Variants in DNTT observed in about 807,000 individuals in gnomAD.
DNTT encodes DNA nucleotidylexotransferase.
DNTT carries 47 observed loss-of-function variants against 60.9 expected under a neutral mutation model. The ratio of observed to expected loss-of-function variants is 0.77; its 90% CI spans 0.61 to 0.98. DNTT has a LOEUF of 0.98. Among genes scored for constraint, DNTT ranks in the 50% least tolerant of loss-of-function variants. The pLI, the probability that DNTT is intolerant of heterozygous loss-of-function variation, is 0.00. For synonymous variants in DNTT, 224 were observed against 221.2 expected, an observed-to-expected ratio of 1.01 and a Z score of -0.11; for missense variants, 665 against 627.5, an observed-to-expected ratio of 1.06 and a Z score of -0.64.
intron 9 of DNTT, among the ~76,000 whole-genome samples, chr10:96,334,146 A>C (rs1430635734): frequency 6.6e-6 from 1 of 152,224 alleles, no homozygotes; most frequent in Non-Finnish European, 1.5e-5. Context: ...AATTTTTCTG[A>C]AAGAGCACAA....
chr10:96,320,783 A>G lies in DNTT; in HGVS notation c.673A>G (p.Ile225Val). 1 of 1,613,646 alleles carries G rather than the reference A, an allele frequency of 6.2e-7. No homozygotes were observed. The change falls in exon 4 of 11, where the codon ATA becomes GTA. Residue 225 changes from isoleucine to valine, a missense_variant. Ile to Val is a conservative substitution (Grantham distance 29). Transcript: ENST00000371174. ...CCTGGGGTCCAAGGTGAAGGGTATC[A>G]TAGAGGTAAGGGTGAAATGGGATTT... ...PCLGSKVKGI[I>V]EEIIEDGESS...
At chr10:96,306,163 G>A (rs895298118) in intron 1 of DNTT, among the ~76,000 whole-genome samples, 9 of 148,176 alleles carry the variant, frequency 6.1e-5, no homozygotes, top group Non-Finnish European at 1.2e-4. Flanking sequence ...GCACAATCTC[G>A]GCTCACTGCA....
chr10:96,320,771 G>A lies in DNTT; in HGVS notation c.661G>A (p.Val221Met), dbSNP rs267602650. The change falls in exon 4 of 11, where the codon GTG becomes ATG. Residue 221 changes from valine to methionine, a missense_variant. Physicochemically the swap from Val to Met is conservative, Grantham distance 21. Transcript: ENST00000371174. The part of the protein sequence containing the change: ...TEGIPCLGSK[V>M]KGIIEEIIED... ...AGGAATTCCCTGCCTGGGGTCCAAG[G>A]TGAAGGGTATCATAGAGGTAAGGGT... is the stretch of plus-strand genomic sequence containing the variant. The A allele has an allele frequency of 1.2e-6, 2 of 1,613,678 alleles. No individual in the cohort carries two copies. Among genetic ancestry groups the A allele is most frequent in the Non-Finnish European group, 1.7e-6 (2 of 1,179,676 alleles).
chr10:96,314,291 G>C (rs985209871), intron 1 of DNTT, among the ~76,000 whole-genome samples: 1 of 151,578 alleles, frequency 6.6e-6, no homozygotes, highest in Non-Finnish European at 1.5e-5. Context: ...CAAAGTCATG[G>C]ATGGCCAAGC....
At position 96,338,168 on chromosome 10, in the gene DNTT, G is replaced by A. The variant is rs1283436680; in HGVS notation, c.1474G>A (p.Glu492Lys). ...ATTCCTCAAAGCAGAAAGTGAAGAA[G>A]AAATTTTTGCGCATCTGGGATTGGA... ...RIFLKAESEE[E>K]IFAHLGLDYI... The change falls in exon 11 of 11, where the codon GAA (glutamate) becomes AAA (lysine). Residue 492 changes from glutamate to lysine, a missense_variant. By Grantham distance (56) the Glu-to-Lys change is moderately conservative. Transcript: ENST00000371174. 1.2e-6 allele frequency: 2 copies of A among 1,613,214 alleles called. No homozygotes were observed. Among genetic ancestry groups the A allele is most frequent in the East Asian group, 2.2e-5 (1 of 44,838 alleles).
chr10:96,329,667 G>A (rs902391629), intron 8 of DNTT, among the ~76,000 whole-genome samples: 1 of 152,244 alleles, frequency 6.6e-6, no homozygotes, highest in African/African-American at 2.4e-5. Context: ...AGGGGCACTG[G>A]AAGTGAAGAC....
At chr10:96,323,059 C>A (rs1564872563) in intron 5 of DNTT, among the ~76,000 whole-genome samples, 1 of 152,176 alleles carries the variant, frequency 6.6e-6, no homozygotes, top group Non-Finnish European at 1.5e-5. Context: ...GTAATCCAAG[C>A]ACTTTGGGAG....
Position 96,304,640 on chromosome 10 carries a change from G to A in DNTT, c.143G>A (p.Arg48His), listed in dbSNP as rs144026779. 8.7e-6 allele frequency: 14 copies of A among 1,614,118 alleles called. No individual in the cohort carries two copies. The highest frequency in any genetic ancestry group is 3.3e-5 in the South Asian group (3 of 91,080). Residue 48 changes from arginine (R) to histidine (H), a missense_variant, in exon 1 of 11, where the codon CGC (arginine) becomes CAC (histidine). Coordinates refer to ENST00000371174, the MANE Select transcript of DNTT (RefSeq NM_004088.4). Reference sequence around the variant, plus strand: ...TTGGAGAAGAAAATGGGAACCACCCGCAGAGCGTTCCTCATGGAGCTGGCC... The same window carrying A: ...TTGGAGAAGAAAATGGGAACCACCCACAGAGCGTTCCTCATGGAGCTGGCC... ...FILEKKMGTTRRAFLMELARR... is the reference protein window; with the variant it reads ...FILEKKMGTTHRAFLMELARR...
chr10:96,322,547 A>C, intron 4 of DNTT, 110 bp from the exon 5 acceptor site: 2 of 659,846 alleles, frequency 3.0e-6, no homozygotes, highest in Non-Finnish European at 2.5e-6. Context: ...CCTGCATGTG[A>C]TGCATGCACA....
chr10:96,318,267 G>A, intron 1 of DNTT, 85 bp from the exon 2 acceptor site: 1 of 1,478,020 alleles, frequency 6.8e-7, no homozygotes, highest in Non-Finnish European at 9.2e-7. Flanking sequence ...TCCATCAGAT[G>A]GAATGCTCAG....
intron 8 of DNTT, among the ~76,000 whole-genome samples, chr10:96,329,532 C>T (rs184203407): frequency 1.1e-4 from 16 of 152,342 alleles, no homozygotes; most frequent in South Asian, 6.2e-4. Flanking sequence ...TGGTGTTTCT[C>T]CTCACAGCTT....
chr10:96,320,562 C>T (rs145099508), intron 3 of DNTT, 56 bp from the exon 4 acceptor site: 2 of 1,593,960 alleles, frequency 1.3e-6, no homozygotes, highest in African/African-American at 2.7e-5. Flanking sequence ...TTGTGAGTGA[C>T]CACTGGCTCA....
At position 96,317,236 on chromosome 10, in the gene DNTT, G is replaced by T. The variant is rs141985082; in HGVS notation, c.204-1116G>T. 6.9e-3 allele frequency among the ~76,000 whole-genome samples: 1,052 copies of T among 152,302 alleles called. 20 individuals are homozygous for T. The highest frequency in any genetic ancestry group is 0.023 in the African/African-American group (972 of 41,570). On this transcript the variant is annotated intron_variant, in intron 1 of 10. Transcript: ENST00000371174. ...AAAGAAAGATGAGTATCATTTACCAGCTGTGTGACTTTTAGAATGTCACTT... is the reference window on the plus strand; with the variant it reads ...AAAGAAAGATGAGTATCATTTACCATCTGTGTGACTTTTAGAATGTCACTT...
chr10:96,306,106 T>C (rs973654055), intron 1 of DNTT, among the ~76,000 whole-genome samples: 1 of 149,786 alleles, frequency 6.7e-6, no homozygotes, highest in African/African-American at 2.4e-5. Context: ...TTTTTTTTTT[T>C]TTTTTGAGAC....
At chr10:96,327,376 C>G in intron 6 of DNTT, 92 bp from the exon 7 acceptor site, 1 of 1,575,060 alleles carries the variant, frequency 6.3e-7, no homozygotes, top group Admixed American at 1.7e-5. Flanking sequence ...GTCATGTTAG[C>G]TCTATCGTGG....
At chr10:96,321,443 T>C (rs1013990382) in intron 4 of DNTT, among the ~76,000 whole-genome samples, 6 of 152,142 alleles carry the variant, frequency 3.9e-5, no homozygotes, top group African/African-American at 1.4e-4. Flanking sequence ...TGGAGTTGTA[T>C]GCATGCTCAC....
chr10:96,321,333 TC>T (rs1844874016), intron 4 of DNTT, among the ~76,000 whole-genome samples: 1 of 152,014 alleles, frequency 6.6e-6, no homozygotes, highest in Non-Finnish European at 1.5e-5. Flanking sequence ...ACTTCTGGGG[TC>T]CTGCGTCACT....
At chr10:96,329,710 G>A (rs540253543) in intron 8 of DNTT, among the ~76,000 whole-genome samples, 2 of 152,354 alleles carry the variant, frequency 1.3e-5, no homozygotes, top group African/African-American at 4.8e-5. Flanking sequence ...ACTGACACGA[G>A]TTTGAATACT....
chr10:96,304,483 C>G lies in DNTT; in HGVS notation c.-15C>G. 2 of 1,612,932 alleles carry G rather than the reference C, an allele frequency of 1.2e-6. No homozygotes were observed. The highest frequency in any genetic ancestry group is 1.7e-6 in the Non-Finnish European group (2 of 1,179,954). On this transcript the variant is annotated 5_prime_UTR_variant, in exon 1 of 11. Transcript: ENST00000371174. ...CACCAGATGGGCCAGCCAGAGGCAG[C>G]AGCAGCCTCTTCCCATGGATCCACC...
Sources: gnomAD v4.1 joint callset for allele counts (sites outside exome capture counted in the v4.1 genomes callset) on GRCh38, gnomAD v4.1.1 for gene constraint, MANE v1.5 for transcripts, NCBI Gene and HGNC (gene_info 2026-07-23, HGNC 2026-07-21) for gene names.